The following NELL1 variants were observed in gnomAD, a reference collection of about 807,000 sequenced individuals.
NELL1 encodes the protein protein kinase C-binding protein NELL1.
NELL1 carries 76 observed loss-of-function variants against 107.4 expected under a neutral mutation model. The observed-to-expected ratio is 0.71, with a 90% CI of 0.59 to 0.86. The LOEUF (loss-of-function observed/expected upper bound fraction) is 0.86. NELL1 is among the 40% of genes least tolerant of loss of function. NELL1 has a pLI of 0.00. For synonymous variants in NELL1, 353 were observed against 341.2 expected, an observed-to-expected ratio of 1.03 and a Z score of -0.38; for missense variants, 1,024 against 1,005.5, an observed-to-expected ratio of 1.02 and a Z score of -0.25.
At chr11:20,793,238 C>A (rs770784701) in intron 3 of NELL1, among the ~76,000 whole-genome samples, 1 of 151,808 alleles carries the variant, frequency 6.6e-6, no homozygotes, top group Non-Finnish European at 1.5e-5. Flanking sequence ...TTCTTGGGAT[C>A]AATTTATGTT....
At chr11:21,136,513 G>T (rs1322011879) in intron 13 of NELL1, among the ~76,000 whole-genome samples, 1 of 152,182 alleles carries the variant, frequency 6.6e-6, no homozygotes, top group Non-Finnish European at 1.5e-5. Flanking sequence ...AATTGTTGAG[G>T]TAGAGTAAGG....
intron 14 of NELL1, among the ~76,000 whole-genome samples, chr11:21,267,516 A>G (rs1016841343): frequency 6.6e-6 from 1 of 152,042 alleles, no homozygotes; most frequent in African/African-American, 2.4e-5. Flanking sequence ...TGCGAGTATG[A>G]TCTATAAAAA....
At chr11:21,166,062 T>A (rs1856474730) in intron 13 of NELL1, among the ~76,000 whole-genome samples, 1 of 151,742 alleles carries the variant, frequency 6.6e-6, no homozygotes, top group Non-Finnish European at 1.5e-5. Flanking sequence ...GCCCAAGATC[T>A]TGTTATTTGC....
At chr11:21,175,948 C>T (rs960836703) in intron 13 of NELL1, among the ~76,000 whole-genome samples, 4 of 151,806 alleles carry the variant, frequency 2.6e-5, no homozygotes, top group Non-Finnish European at 5.9e-5. Context: ...TGTTTTCCTT[C>T]ATGGCAAACA....
At chr11:21,155,485 A>G (rs765545719) in intron 13 of NELL1, among the ~76,000 whole-genome samples, 2 of 152,188 alleles carry the variant, frequency 1.3e-5, no homozygotes, top group African/African-American at 2.4e-5. Context: ...GTATGTAGCC[A>G]AGGAAACTGA....
intron 12 of NELL1, among the ~76,000 whole-genome samples, chr11:21,037,379 C>T (rs1853121489): frequency 6.6e-6 from 1 of 152,074 alleles, no homozygotes; most frequent in South Asian, 2.1e-4. Context: ...TCTCACTCTA[C>T]ACAAATAAAT....
chr11:21,484,325 G>A (rs1055702412), intron 15 of NELL1, among the ~76,000 whole-genome samples: 33 of 151,022 alleles, frequency 2.2e-4, no homozygotes, highest in Admixed American at 4.6e-4. Context: ...TTTGGTGACC[G>A]TTCTTATATG....
rs1164420669 is a variant in NELL1 at position 21,179,862 on chromosome 11, C to CTTTTTTT, written c.1427-49451_1427-49445dup. 2.7e-3 allele frequency among the ~76,000 whole-genome samples: 202 copies of CTTTTTTT among 75,696 alleles called. 25 individuals carry two copies. The highest frequency in any genetic ancestry group is 6.2e-3 in the African/African-American group (108 of 17,488). 49.7% of individuals were successfully genotyped at this position (75,696 alleles called of 152,430 possible). ...AAGGTTTAGGACAGAAATCAACACA[C>CTTTTTTT]TTTTTTTTTTTTTTTTTTTTTTTTT... On this transcript the variant is annotated intron_variant, in intron 13 of 19. Transcript: ENST00000357134.
At chr11:20,998,681 GA>G (rs1318198156) in intron 12 of NELL1, among the ~76,000 whole-genome samples, 1 of 152,202 alleles carries the variant, frequency 6.6e-6, no homozygotes, top group Non-Finnish European at 1.5e-5. Context: ...TGACCAGTAG[GA>G]AAACATCGGC....
chr11:21,274,073 G>A (rs1205689205), intron 14 of NELL1, among the ~76,000 whole-genome samples: 1 of 152,124 alleles, frequency 6.6e-6, no homozygotes. Context: ...AAATGTAAAT[G>A]GACTAAATGC....
At chr11:21,569,777 T>A (rs917094011) in intron 17 of NELL1, among the ~76,000 whole-genome samples, 4 of 151,818 alleles carry the variant, frequency 2.6e-5, no homozygotes, top group African/African-American at 9.7e-5. Flanking sequence ...TCCATAGTGA[T>A]GAATCCAAGA....
At chr11:20,878,697 T>C (rs1849353280) in intron 4 of NELL1, among the ~76,000 whole-genome samples, 1 of 152,244 alleles carries the variant, frequency 6.6e-6, no homozygotes, top group Non-Finnish European at 1.5e-5. Context: ...ACTATTTTTC[T>C]CAGTCAGGAT....
At chr11:21,180,683 T>A (rs1177611070) in intron 13 of NELL1, among the ~76,000 whole-genome samples, 2 of 151,624 alleles carry the variant, frequency 1.3e-5, no homozygotes. Flanking sequence ...ATCATAGAAG[T>A]TCCTTAGCTA....
intron 1 of NELL1, chr11:20,670,341 G>A (rs762148256): frequency 6.5e-6 from 1 of 152,936 alleles, no homozygotes; most frequent in Non-Finnish European, 1.5e-5. Flanking sequence ...AGAACTCCAG[G>A]AGTATTCTCC....
Position 20,823,550 on chromosome 11 carries a change from A to C in NELL1, c.336-24033A>C, listed in dbSNP as rs1184969554. ...AATCCCCTTGGACTTCAGAAGGCAC[A>C]GAAGACATGGCTGAATATTTTAATT... On this transcript the variant is annotated intron_variant, in intron 3 of 19. Transcript: ENST00000357134. 3.3e-5 allele frequency among the ~76,000 whole-genome samples: 5 copies of C among 151,430 alleles called. 2 individuals are homozygous for C. The highest frequency in any genetic ancestry group is 6.6e-5 in the Admixed American group (1 of 15,064).
intron 15 of NELL1, among the ~76,000 whole-genome samples, chr11:21,390,987 CT>C (rs1226033308): frequency 6.6e-6 from 1 of 151,278 alleles, no homozygotes; most frequent in Admixed American, 6.6e-5. Context: ...TGTATTTATC[CT>C]TTTCTGGATT....
At chr11:20,931,464 T>C (rs1850616601) in intron 9 of NELL1, among the ~76,000 whole-genome samples, 1 of 152,188 alleles carries the variant, frequency 6.6e-6, no homozygotes, top group African/African-American at 2.4e-5. Context: ...TATAAGTATG[T>C]GAGGTAATGC....
At chr11:21,210,158 T>C (rs1857469374) in intron 13 of NELL1, among the ~76,000 whole-genome samples, 1 of 152,186 alleles carries the variant, frequency 6.6e-6, no homozygotes. Context: ...TAGGTTGTTT[T>C]AATCTTTTGG....
chr11:21,070,766 C>T (rs1385831491), intron 12 of NELL1, among the ~76,000 whole-genome samples: 1 of 152,046 alleles, frequency 6.6e-6, no homozygotes, highest in Non-Finnish European at 1.5e-5. Flanking sequence ...TTCAAGTTAG[C>T]GTCTCATAAA....
Sources: allele counts gnomAD v4.1 joint callset (sites outside exome capture counted in the v4.1 genomes callset), GRCh38; gene constraint gnomAD v4.1.1; transcripts MANE v1.5; gene names NCBI Gene and HGNC (gene_info 2026-07-23, HGNC 2026-07-21).